HOXA3: variants seen among roughly 807,000 people sequenced by gnomAD.
The protein encoded by HOXA3 is homeobox protein Hox-A3.
HOXA3 carries 8 observed loss-of-function variants against 30.3 expected under a neutral mutation model. The ratio of observed to expected loss-of-function variants is 0.26; its 90% CI spans 0.15 to 0.48. The LOEUF is 0.48. Ranked by LOEUF, HOXA3 falls within the 20% of genes least tolerant of loss-of-function variation. The pLI is 0.99. For missense variants in HOXA3, 653 were observed against 614.4 expected (o/e 1.06, Z -0.66); for synonymous variants, 323 against 273.1 (o/e 1.18, Z -1.80).
At chr7:27,147,766 A>C (rs769054062) in intron 1 of HOXA3, 7 of 1,594,964 alleles carry the variant, frequency 4.4e-6, no homozygotes, top group Non-Finnish European at 6.0e-6. Flanking sequence ...GCCCCTCTGC[A>C]GGACTGTGAT....
At position 27,129,572 on chromosome 7, in the gene HOXA3, C is replaced by G. The variant is rs775984563; in HGVS notation, c.-389-2502G>C. On this transcript the variant is annotated intron_variant, in intron 2 of 5. Coordinates refer to ENST00000612286, the MANE Select transcript of HOXA3 (RefSeq NM_153631.3). Reference sequence around the variant, plus strand: ...TCCCCTCCGTTATAACTGGGGTTAACTGAAAACCCAGAACCCCGAAATAGA... The same window carrying G: ...TCCCCTCCGTTATAACTGGGGTTAAGTGAAAACCCAGAACCCCGAAATAGA... The G allele has an allele frequency of 5.6e-6, 9 of 1,611,976 alleles. No individual in the cohort carries two copies. The South Asian group carries it at 8.8e-5, about 16-fold the overall frequency.
At chr7:27,149,956 A>G (rs750849992) in intron 1 of HOXA3, 1 of 152,072 alleles carries the variant, frequency 6.6e-6, no homozygotes, top group Non-Finnish European at 1.5e-5. Context: ...TCAATTTACT[A>G]TTATTATTAT....
intron 1 of HOXA3, chr7:27,145,560 A>C: frequency 6.8e-7 from 1 of 1,474,514 alleles, no homozygotes; most frequent in Non-Finnish European, 9.1e-7. Context: ...GGAAGCCCCC[A>C]GATGGGAGCA....
intron 3 of HOXA3, among the ~76,000 whole-genome samples, chr7:27,125,548 C>T (rs188981589): frequency 6.4e-4 from 98 of 152,348 alleles, no homozygotes; most frequent in African/African-American, 2.2e-3. Flanking sequence ...TGTTTCCAGC[C>T]CATGTGTTTC....
Position 27,152,530 on chromosome 7 carries a change from C to A in HOXA3, c.-736G>T. 1 of 1,179,330 alleles carries A rather than the reference C, an allele frequency of 8.5e-7. No homozygotes were observed. The highest frequency in any genetic ancestry group is 1.6e-5 in the South Asian group (1 of 62,386). The allele number at this position is 1,179,330 out of a possible 1,614,324, so 73.1% of individuals were successfully genotyped here. On this transcript the variant is annotated 5_prime_UTR_variant, in exon 1 of 6. Transcript: ENST00000612286. ...TCTCCGGACAAAGCACAGCCGAGCC[C>A]GGCTGGAAGGCAGAGCTCCGAAGCA...
rs1014912959 is a variant in HOXA3, at chr7:27,107,434, C to T, written c.*481G>A. ...ACACACGGAAAGACGTACACTTAGT[C>T]ATCCTTGCACAGAGAGCCCCTGTTT... On this transcript the variant is annotated 3_prime_UTR_variant, in exon 6 of 6. Transcript: ENST00000612286. The T allele has an allele frequency of 6.6e-6, 1 of 152,506 alleles. No homozygotes were observed. The highest frequency in any genetic ancestry group is 1.5e-5 in the Non-Finnish European group (1 of 68,302). The allele number at this position is 152,506 out of a possible 1,614,324, so 9.4% of individuals were successfully genotyped here.
chr7:27,142,940 G>T, intron 1 of HOXA3: 1 of 1,083,266 alleles, frequency 9.2e-7, no homozygotes, highest in Non-Finnish European at 1.3e-6. Flanking sequence ...CGCAGGGCTG[G>T]GAGAAATGAG....
intron 1 of HOXA3, chr7:27,142,710 T>G (rs62454414): frequency 0.13 from 40,660 of 320,600 alleles, 3,188 homozygotes; most frequent in East Asian, 0.21. Flanking sequence ...TCACGGCTGC[T>G]ACAGCCATCC....
chr7:27,109,219 C>A (rs780778272), intron 5 of HOXA3, among the ~76,000 whole-genome samples: 25 of 152,230 alleles, frequency 1.6e-4, no homozygotes, highest in Non-Finnish European at 3.4e-4. Flanking sequence ...CTGGAAACCT[C>A]AAACTGGAAG....
At chr7:27,126,631 G>A (rs191701693) in intron 3 of HOXA3, among the ~76,000 whole-genome samples, 82 of 152,236 alleles carry the variant, frequency 5.4e-4, no homozygotes, top group Non-Finnish European at 9.0e-4. Context: ...CAATCATTTG[G>A]ATCATTTTCT....
intron 2 of HOXA3, among the ~76,000 whole-genome samples, chr7:27,134,877 G>A (rs1403787045): frequency 3.3e-5 from 5 of 152,126 alleles, no homozygotes; most frequent in Admixed American, 1.3e-4. Context: ...CTGAGTAGAT[G>A]AATTATTTCC....
chr7:27,152,374 G>A lies in HOXA3; in HGVS notation c.-580C>T, dbSNP rs1783006347. On this transcript the variant is annotated 5_prime_UTR_variant, in exon 1 of 6. Transcript: ENST00000612286. ...GAGAAGAATTGTCCTCTTTCCTGGT[G>A]CCAGAGGACGCAGGAAATTAGCCAG... 2.5e-6 allele frequency: 3 copies of A among 1,193,836 alleles called. No homozygotes were observed. The highest frequency in any genetic ancestry group is 1.5e-5 in the South Asian group (1 of 67,940). 74.0% of individuals were successfully genotyped at this position (1,193,836 alleles called of 1,614,324 possible).
At chr7:27,133,803 G>A (rs185245188) in intron 2 of HOXA3, among the ~76,000 whole-genome samples, 10 of 152,318 alleles carry the variant, frequency 6.6e-5, no homozygotes, top group East Asian at 1.9e-4. Context: ...CAGTGACACC[G>A]TGTGCATTTT....
At chr7:27,110,040 GC>G in intron 5 of HOXA3, 74 bp downstream of exon 5, 3 of 1,550,280 alleles carry the variant, frequency 1.9e-6, no homozygotes, top group Non-Finnish European at 2.7e-6. Flanking sequence ...CCTAGGCTGT[GC>G]TGGATGTCGT....
At chr7:27,147,487 G>A (rs1782812627) in intron 1 of HOXA3, 1 of 1,614,102 alleles carries the variant, frequency 6.2e-7, no homozygotes, top group South Asian at 1.1e-5. Context: ...CGAGGGCGAG[G>A]CGCCACTGAG....
chr7:27,136,813 C>A (rs992011612), intron 2 of HOXA3, among the ~76,000 whole-genome samples: 3 of 152,160 alleles, frequency 2.0e-5, no homozygotes, highest in African/African-American at 4.8e-5. Flanking sequence ...CAACAACAAA[C>A]AAAACAAACC....
chr7:27,132,081 T>C (rs1175795974), intron 2 of HOXA3, among the ~76,000 whole-genome samples: 1 of 152,250 alleles, frequency 6.6e-6, no homozygotes, highest in Non-Finnish European at 1.5e-5. Flanking sequence ...ATTTGTGCTG[T>C]GTGCTTTCTC....
At chr7:27,129,527 C>A in intron 2 of HOXA3, 1 of 1,613,914 alleles carries the variant, frequency 6.2e-7, no homozygotes, top group Non-Finnish European at 8.5e-7. Context: ...CGGGTGTAGG[C>A]GGTTCGAGAG....
chr7:27,143,060 A>T, intron 1 of HOXA3: 1 of 1,530,088 alleles, frequency 6.5e-7, no homozygotes, highest in Non-Finnish European at 8.7e-7. Context: ...ACTTATGTGC[A>T]GCTTGCGCAT....
Sources: gnomAD v4.1 joint callset for allele counts (sites outside exome capture counted in the v4.1 genomes callset) on GRCh38, gnomAD v4.1.1 for gene constraint, MANE v1.5 for transcripts, NCBI Gene and HGNC (gene_info 2026-07-23, HGNC 2026-07-21) for gene names.